The following MEIS1 variants were observed in gnomAD, a reference collection of about 807,000 sequenced individuals.
The protein encoded by MEIS1 is Meis homeobox 1.
In MEIS1, 5 loss-of-function variants were observed where a neutral mutation model predicts 50.8. That is an observed-to-expected ratio of 0.10 (90% CI 0.05 to 0.21). The LOEUF is 0.21. Among genes scored for constraint, MEIS1 ranks in the 10% least tolerant of loss-of-function variants. The probability of loss-of-function intolerance (pLI) is 1.00; values close to 1 mark genes in which losing one functional copy is unlikely to be tolerated. For missense variants in MEIS1, 318 were observed against 517.3 expected, an observed-to-expected ratio of 0.61 and a Z score of 3.74; for synonymous variants, 176 against 179.3, an observed-to-expected ratio of 0.98 and a Z score of 0.15.
chr2:66,567,788 G>A, intron 10 of MEIS1: 1 of 471,954 alleles, frequency 2.1e-6, no homozygotes, highest in Non-Finnish European at 3.6e-6. Context: ...ATATATTAAT[G>A]TTATTTTTTT....
intron 10 of MEIS1, 91 bp downstream of exon 10, chr2:66,567,602 C>T (rs749322145): frequency 1.7e-6 from 2 of 1,197,186 alleles, no homozygotes; most frequent in Non-Finnish European, 1.2e-6. Flanking sequence ...GGTAAATAAA[C>T]TGGGAGTGAG....
At chr2:66,497,989 G>T (rs960582547) in intron 7 of MEIS1, among the ~76,000 whole-genome samples, 3 of 151,580 alleles carry the variant, frequency 2.0e-5, no homozygotes, top group Non-Finnish European at 2.9e-5. Context: ...TTTTTTGGGG[G>T]GCTGTGGGGG....
At chr2:66,504,739 C>T (rs1673646649) in intron 7 of MEIS1, among the ~76,000 whole-genome samples, 1 of 152,184 alleles carries the variant, frequency 6.6e-6, no homozygotes, top group Admixed American at 6.5e-5. Context: ...GTCATTGCCA[C>T]TGCTATGTCT....
intron 7 of MEIS1, among the ~76,000 whole-genome samples, chr2:66,468,490 A>G (rs1325374430): frequency 1.3e-5 from 2 of 152,216 alleles, no homozygotes; most frequent in Non-Finnish European, 2.9e-5. Context: ...CAGTCAGTGT[A>G]GGTATTTCCA....
intron 7 of MEIS1, among the ~76,000 whole-genome samples, chr2:66,473,555 A>G (rs1672820057): frequency 6.6e-6 from 1 of 151,952 alleles, no homozygotes; most frequent in East Asian, 1.9e-4. Context: ...TGATATGCAA[A>G]TATGATTTCC....
At chr2:66,547,051 G>A (rs1674809664) in intron 8 of MEIS1, among the ~76,000 whole-genome samples, 1 of 152,070 alleles carries the variant, frequency 6.6e-6, no homozygotes, top group Non-Finnish European at 1.5e-5. Flanking sequence ...ATTGAGATGT[G>A]GTGTTTCAAG....
intron 7 of MEIS1, among the ~76,000 whole-genome samples, chr2:66,500,419 T>C (rs1304183363): frequency 6.6e-6 from 1 of 152,130 alleles, no homozygotes; most frequent in East Asian, 1.9e-4. Context: ...TTTTAAATTT[T>C]TATTTATTTA....
chr2:66,455,807 G>A (rs1672374767), intron 6 of MEIS1, among the ~76,000 whole-genome samples: 1 of 152,146 alleles, frequency 6.6e-6, no homozygotes, highest in East Asian at 1.9e-4. Context: ...CAGCCAGGCT[G>A]CTTTAAATTC....
Position 66,437,732 on chromosome 2 carries a change from T to C in MEIS1, c.13-5T>C, listed in dbSNP as rs1303401493. ...AACCTTCTTTCTCTCCTGTTTGTCA[T>C]GCAGTACGACGATCTACCCCATTAC... On this transcript the variant is annotated splice_polypyrimidine_tract_variant and splice_region_variant and intron_variant, in intron 1 of 12. Coordinates refer to ENST00000272369, the MANE Select transcript of MEIS1 (RefSeq NM_002398.3). 1 of 1,613,694 alleles carries C rather than the reference T, an allele frequency of 6.2e-7. No individual in the cohort carries two copies. Among genetic ancestry groups the C allele is most frequent in the South Asian group, 1.1e-5 (1 of 91,040 alleles).
At chr2:66,519,600 G>A (rs1674062246) in intron 8 of MEIS1, among the ~76,000 whole-genome samples, 1 of 152,136 alleles carries the variant, frequency 6.6e-6, no homozygotes, top group African/African-American at 2.4e-5. Flanking sequence ...CATTTTAAAG[G>A]CTTTTTAGTC....
chr2:66,515,792 TAGAA>T (rs563846624), intron 8 of MEIS1, among the ~76,000 whole-genome samples: 3 of 152,106 alleles, frequency 2.0e-5, no homozygotes, highest in Non-Finnish European at 4.4e-5. Context: ...AAGAGAGAAT[TAGAA>T]AGAAAATAAA....
intron 9 of MEIS1, chr2:66,562,210 G>A (rs190785462): frequency 1.3e-5 from 2 of 151,706 alleles, no homozygotes; most frequent in African/African-American, 4.8e-5. Flanking sequence ...ACCTCTCCTG[G>A]TTCTCACAGA....
At position 66,437,745 on chromosome 2, in the gene MEIS1, T is replaced by C; in HGVS notation, c.21T>C (p.Asp7=). The part of the protein sequence containing the change: MAQRYD[D]LPHYGGMDGV... Reference sequence around the variant, plus strand: ...TCCTGTTTGTCATGCAGTACGACGATCTACCCCATTACGGGGGCATGGATG... The same window carrying C: ...TCCTGTTTGTCATGCAGTACGACGACCTACCCCATTACGGGGGCATGGATG... The change falls in exon 2 of 13, where the codon GAT becomes GAC. Residue 7 remains aspartate, a synonymous_variant. Transcript: ENST00000272369. 1 of 1,613,868 alleles carries C rather than the reference T, an allele frequency of 6.2e-7. No homozygotes were observed.
At chr2:66,528,602 C>G (rs1674314384) in intron 8 of MEIS1, among the ~76,000 whole-genome samples, 1 of 152,138 alleles carries the variant, frequency 6.6e-6, no homozygotes, top group Non-Finnish European at 1.5e-5. Flanking sequence ...AATTCTCTCT[C>G]CTAAACACTT....
Position 66,439,969 on chromosome 2 carries a change from C to T in MEIS1, c.366C>T (p.Ala122=), listed in dbSNP as rs567827418. The change falls in exon 3 of 13, where the codon GCC becomes GCT. Residue 122 remains alanine (A), a synonymous_variant. Coordinates refer to ENST00000272369, the MANE Select transcript of MEIS1 (RefSeq NM_002398.3). ...CAGAGTCATTCAATGAAGATATAGC[C>T]GTGTTCGCCAAACAGGTCAGCAAAA... ...CSSESFNEDI[A]VFAKQIRAEK... is the part of the protein sequence containing the mutation. 3.1e-6 allele frequency: 5 copies of T among 1,611,974 alleles called. No individual in the cohort carries two copies. In the South Asian group the frequency reaches 3.3e-5, roughly 11 times the overall value.
chr2:66,443,396 TC>T (rs1672048466), intron 6 of MEIS1: 1 of 237,066 alleles, frequency 4.2e-6, no homozygotes, highest in Non-Finnish European at 8.0e-6. Flanking sequence ...GGAGCATTTT[TC>T]CCCCTTCTAT....
At chr2:66,463,265 A>C (rs1672561573) in intron 6 of MEIS1, among the ~76,000 whole-genome samples, 1 of 151,852 alleles carries the variant, frequency 6.6e-6, no homozygotes, top group East Asian at 1.9e-4. Flanking sequence ...GTGAAGGACC[A>C]GCTTTGTATT....
At chr2:66,507,812 G>A (rs1673720781) in intron 7 of MEIS1, among the ~76,000 whole-genome samples, 1 of 152,220 alleles carries the variant, frequency 6.6e-6, no homozygotes, top group South Asian at 2.1e-4. Flanking sequence ...CAGTCTAAAT[G>A]CCTGGGCATG....
At chr2:66,557,700 G>T (rs186503269) in intron 9 of MEIS1, among the ~76,000 whole-genome samples, 210 of 152,252 alleles carry the variant, frequency 1.4e-3, no homozygotes, top group Admixed American at 2.2e-3. Flanking sequence ...ATGGGCATTT[G>T]ATATTCATCT....
Sources: allele counts gnomAD v4.1 joint callset (sites outside exome capture counted in the v4.1 genomes callset), GRCh38; gene constraint gnomAD v4.1.1; transcripts MANE v1.5; gene names NCBI Gene and HGNC (gene_info 2026-07-23, HGNC 2026-07-21).